PCDHGB3: variants seen among roughly 807,000 people sequenced by gnomAD.
The protein encoded by PCDHGB3 is protocadherin gamma-B3.
A neutral mutation model predicts 59.2 loss-of-function variants in PCDHGB3; 40 were observed. The observed-to-expected ratio is 0.68, with a 90% CI of 0.52 to 0.88. The LOEUF (loss-of-function observed/expected upper bound fraction) is 0.88, where lower values mean the gene tolerates loss of function less well. Ranked by LOEUF, PCDHGB3 falls within the 40% of genes least tolerant of loss-of-function variation. The pLI, the probability that PCDHGB3 is intolerant of heterozygous loss-of-function variation, is 0.00. For synonymous variants in PCDHGB3, 581 were observed against 503.6 expected, an observed-to-expected ratio of 1.15 and a Z score of -2.06; for missense variants, 1,309 against 1,187.9, an observed-to-expected ratio of 1.10 and a Z score of -1.50.
In PCDHGB3 at chr5:141,372,559, C is replaced by T; in HGVS notation, c.2165C>T (p.Ala722Val). ...SLRLRCSSRP[A>V]TEGYFQPGVC... ...CGCCTGCGATGCTCCTCCAGACCCG[C>T]CACTGAGGGCTACTTTCAGCCTGGT... is the stretch of plus-strand genomic sequence containing the variant. Residue 722 changes from alanine (A) to valine (V), a missense_variant, in exon 1 of 4, where the codon GCC becomes GTC. Ala to Val is a moderately conservative substitution (Grantham distance 64, BLOSUM62 0). Coordinates refer to ENST00000576222, the MANE Select transcript of PCDHGB3 (RefSeq NM_018924.5). 6.2e-7 allele frequency: 1 copy of T among 1,614,048 alleles called. No individual in the cohort carries two copies. Among genetic ancestry groups the T allele is most frequent in the Non-Finnish European group, 8.5e-7 (1 of 1,179,888 alleles).
chr5:141,470,972 C>T (rs1186771156), intron 1 of PCDHGB3, among the ~76,000 whole-genome samples: 3 of 151,988 alleles, frequency 2.0e-5, no homozygotes, highest in Non-Finnish European at 4.4e-5. Flanking sequence ...CCACCTCAGC[C>T]TCCCAAAGTG....
intron 1 of PCDHGB3, chr5:141,388,313 T>C: frequency 6.2e-7 from 1 of 1,613,738 alleles, no homozygotes; most frequent in Non-Finnish European, 8.5e-7. Flanking sequence ...TGCAAATAAG[T>C]GAGTCTGCAC....
chr5:141,398,654 C>G, intron 1 of PCDHGB3: 1 of 1,613,998 alleles, frequency 6.2e-7, no homozygotes, highest in South Asian at 1.1e-5. Context: ...TCTCTTAACC[C>G]AAGTTTCTCA....
chr5:141,471,730 G>A (rs535784858), intron 1 of PCDHGB3, among the ~76,000 whole-genome samples: 1 of 152,292 alleles, frequency 6.6e-6, no homozygotes, highest in East Asian at 1.9e-4. Context: ...GGTAAGGAAG[G>A]TTGGAGACAT....
chr5:141,390,650 G>A lies in PCDHGB3; in HGVS notation c.2415+17841G>A, dbSNP rs750733568. ...TATGATGAATACTTTTTTCAGCTTG[G>A]ATATACCATAAATATAAAAATAATA... On this transcript the variant is annotated intron_variant, in intron 1 of 3. Coordinates refer to ENST00000576222, the MANE Select transcript of PCDHGB3 (RefSeq NM_018924.5). 69 of 210,892 alleles carry A rather than the reference G, an allele frequency of 3.3e-4. 1 individual carries two copies. The highest frequency in any genetic ancestry group is 5.4e-4 in the Non-Finnish European group (57 of 106,318). The allele number at this position is 210,892 out of a possible 1,614,324, so 13.1% of individuals were successfully genotyped here.
chr5:141,428,124 C>T, intron 1 of PCDHGB3: 1 of 1,605,400 alleles, frequency 6.2e-7, no homozygotes, highest in South Asian at 1.1e-5. Context: ...CGAGCCCGGG[C>T]TTTTCAGCCT....
At chr5:141,421,417 G>A (rs1188564125) in intron 1 of PCDHGB3, 2 of 1,613,950 alleles carry the variant, frequency 1.2e-6, no homozygotes, top group Non-Finnish European at 1.7e-6. Context: ...GGCGAAGCGC[G>A]GAGTCCGCAT....
At chr5:141,420,046 A>G (rs772981030) in intron 1 of PCDHGB3, 6 of 1,614,048 alleles carry the variant, frequency 3.7e-6, no homozygotes, top group South Asian at 1.1e-5. Context: ...GCTTTGAGTC[A>G]GTTCTCTGCT....
intron 1 of PCDHGB3, chr5:141,439,807 G>A (rs2098132839): frequency 6.6e-6 from 1 of 152,336 alleles, no homozygotes; most frequent in African/African-American, 2.4e-5. Context: ...AGTTTGAAAA[G>A]GGGCTTATTT....
At chr5:141,430,737 A>G in intron 1 of PCDHGB3, 1 of 1,498,286 alleles carries the variant, frequency 6.7e-7, no homozygotes, top group South Asian at 1.4e-5. Flanking sequence ...CAGAATTGAA[A>G]ATAATTCTGG....
chr5:141,423,680 C>T (rs2096766182), intron 1 of PCDHGB3: 1 of 1,479,088 alleles, frequency 6.8e-7, no homozygotes, highest in African/African-American at 1.5e-5. Context: ...ATTTCTCTGC[C>T]TCCTAATTGT....
chr5:141,480,239 A>C (rs1320132415), intron 1 of PCDHGB3, among the ~76,000 whole-genome samples: 4 of 136,218 alleles, frequency 2.9e-5, no homozygotes, highest in African/African-American at 1.1e-4. Context: ...TCCTGTCTCT[A>C]CAAAAAAAAA....
chr5:141,410,230 C>A (rs759582867), intron 1 of PCDHGB3: 2 of 1,614,006 alleles, frequency 1.2e-6, no homozygotes, highest in South Asian at 2.2e-5. Flanking sequence ...CAGACCTCAG[C>A]GACCGCCCTG....
At chr5:141,392,819 C>A (rs1346235587) in intron 1 of PCDHGB3, 7 of 1,590,376 alleles carry the variant, frequency 4.4e-6, no homozygotes, top group Non-Finnish European at 6.0e-6. Context: ...CAACAATGGC[C>A]GCTCCACAGA....
intron 1 of PCDHGB3, among the ~76,000 whole-genome samples, chr5:141,406,662 A>G (rs1357382326): frequency 6.6e-6 from 1 of 152,208 alleles, no homozygotes; most frequent in Non-Finnish European, 1.5e-5. Flanking sequence ...TTAATGTTAA[A>G]TTATGGAGAA....
In PCDHGB3 at chr5:141,490,761, G is replaced by GTA. The variant is rs1380770489; in HGVS notation, c.2416-4044_2416-4043dup. The GTA allele has an allele frequency of 6.2e-7, 1 of 1,614,048 alleles. No individual in the cohort carries two copies. The highest frequency in any genetic ancestry group is 1.3e-5 in the African/African-American group (1 of 74,920). On this transcript the variant is annotated intron_variant, in intron 1 of 3. Coordinates refer to ENST00000576222, the MANE Select transcript of PCDHGB3 (RefSeq NM_018924.5). The surrounding 1 kb of genome is among the most constrained non-coding windows in gnomAD (Gnocchi z 5.4). ...AGGGAGCCCCAGCCTCCTCCTTTGT[G>GTA]TATGTCAACCCAGAGGATGGACGGA...
At position 141,421,347 on chromosome 5, in the gene PCDHGB3, C is replaced by T. The variant is rs147068995; in HGVS notation, c.2415+48538C>T. 359 of 1,613,948 alleles carry T rather than the reference C, an allele frequency of 2.2e-4. 2 individuals carry two copies. In the East Asian group the frequency reaches 6.5e-3, roughly 29 times the overall value. On this transcript the variant is annotated intron_variant, in intron 1 of 3. Coordinates refer to ENST00000576222, the MANE Select transcript of PCDHGB3 (RefSeq NM_018924.5). ...TCCGATATTCGGTGCCAGAAGAGAC[C>T]GAAAAGGGCTCCTTCGTGGGCAATA...
intron 1 of PCDHGB3, among the ~76,000 whole-genome samples, chr5:141,473,757 T>C (rs993403397): frequency 6.6e-6 from 1 of 152,240 alleles, no homozygotes; most frequent in Non-Finnish European, 1.5e-5. Context: ...TTGGATACTA[T>C]GCAAAGGATT....
intron 1 of PCDHGB3, chr5:141,398,820 G>T (rs1376527266): frequency 1.2e-6 from 2 of 1,613,854 alleles, no homozygotes; most frequent in African/African-American, 2.7e-5. Flanking sequence ...TCCGGATCCA[G>T]GTAACCGACG....
Sources: gnomAD v4.1 joint callset for allele counts (sites outside exome capture counted in the v4.1 genomes callset) on GRCh38, gnomAD v4.1.1 for gene constraint, Gnocchi (gnomAD v3.1) non-coding constraint, MANE v1.5 for transcripts, NCBI Gene and HGNC (gene_info 2026-07-23, HGNC 2026-07-21) for gene names.